HDAC4: variants seen among roughly 807,000 people sequenced by gnomAD.
HDAC4 encodes histone deacetylase 4, also known as histone deacetylase A.
HDAC4 carries 16 observed loss-of-function variants against 135.1 expected under a neutral mutation model. The ratio of observed to expected loss-of-function variants is 0.12; its 90% CI spans 0.08 to 0.18. The LOEUF (loss-of-function observed/expected upper bound fraction) is 0.18. HDAC4 is among the 10% of genes least tolerant of loss of function. The pLI, the probability that HDAC4 is intolerant of heterozygous loss-of-function variation, is 1.00. For synonymous variants in HDAC4, 685 were observed against 653.4 expected (o/e 1.05, Z -0.74); for missense variants, 1,143 against 1,511.8 (o/e 0.76, Z 4.05).
intron 6 of HDAC4, chr2:239,162,124 G>T (rs1445698192): frequency 2.2e-6 from 1 of 456,730 alleles, no homozygotes; most frequent in African/African-American, 2.0e-5. Flanking sequence ...CTGCTTCCCA[G>T]CAGCCCCACT....
At chr2:239,094,290 T>C (rs2152735598) in intron 17 of HDAC4, 1 of 985,416 alleles carries the variant, frequency 1.0e-6, no homozygotes. Context: ...AGGGGAGAAC[T>C]CTTTTGTTAT....
At chr2:239,383,713 G>C (rs1040097781) in intron 1 of HDAC4, among the ~76,000 whole-genome samples, 1 of 152,224 alleles carries the variant, frequency 6.6e-6, no homozygotes, top group South Asian at 2.1e-4. Context: ...GGCGTGGGGT[G>C]GGGGGCAGGG....
At chr2:239,158,406 AATT>A (rs1431797756) in intron 6 of HDAC4, among the ~76,000 whole-genome samples, 3 of 152,220 alleles carry the variant, frequency 2.0e-5, no homozygotes, top group South Asian at 2.1e-4. Flanking sequence ...ATGGAATAAA[AATT>A]ATTATATTTG....
At chr2:239,154,542 G>C (rs544840562) in intron 7 of HDAC4, 1 of 152,372 alleles carries the variant, frequency 6.6e-6, no homozygotes, top group East Asian at 1.9e-4. Flanking sequence ...TTCTAGGGCA[G>C]GGTTCTTCCG....
intron 5 of HDAC4, among the ~76,000 whole-genome samples, chr2:239,169,342 G>A (rs754495384): frequency 4.0e-4 from 61 of 152,322 alleles, no homozygotes; most frequent in Non-Finnish European, 5.3e-4. Flanking sequence ...GCGCACACCC[G>A]CGATGTGGGT....
intron 11 of HDAC4, among the ~76,000 whole-genome samples, chr2:239,133,874 C>A (rs1374270006): frequency 6.6e-6 from 1 of 152,182 alleles, no homozygotes; most frequent in Non-Finnish European, 1.5e-5. Context: ...TGTAACCACT[C>A]CCCCAGACAG....
intron 1 of HDAC4, among the ~76,000 whole-genome samples, chr2:239,355,091 G>T (rs755087748): frequency 3.0e-4 from 46 of 152,168 alleles, no homozygotes; most frequent in African/African-American, 1.1e-3. Context: ...GAATCTACTG[G>T]CATTTTTTTC....
At chr2:239,291,711 G>A (rs1339812473) in intron 2 of HDAC4, among the ~76,000 whole-genome samples, 1 of 152,178 alleles carries the variant, frequency 6.6e-6, no homozygotes, top group African/African-American at 2.4e-5. Context: ...TAGCTGGCAG[G>A]TCGGGGGAAG....
At chr2:239,117,617 T>TA (rs1489529572) in intron 12 of HDAC4, among the ~76,000 whole-genome samples, 1 of 148,672 alleles carries the variant, frequency 6.7e-6, no homozygotes, top group Admixed American at 6.7e-5. Context: ...GGTCTGGAGT[T>TA]AGACTAGGAA....
chr2:239,328,607 G>A (rs946070705), intron 2 of HDAC4, among the ~76,000 whole-genome samples: 2 of 152,212 alleles, frequency 1.3e-5, no homozygotes, highest in African/African-American at 2.4e-5. Context: ...TGGTGGGGGA[G>A]GAAAAAGAAA....
chr2:239,312,438 G>A (rs542152661), intron 2 of HDAC4, among the ~76,000 whole-genome samples: 14 of 152,290 alleles, frequency 9.2e-5, no homozygotes, highest in Admixed American at 3.9e-4. Flanking sequence ...GGGCACGCAC[G>A]CACGTAGTTC....
At chr2:239,085,730 T>C (rs1158681416) in intron 19 of HDAC4, 1 of 152,136 alleles carries the variant, frequency 6.6e-6, no homozygotes, top group African/African-American at 2.4e-5. Context: ...AAGGACACTC[T>C]GCTCTAACAC....
intron 7 of HDAC4, among the ~76,000 whole-genome samples, chr2:239,155,187 A>G (rs2042346216): frequency 6.6e-6 from 1 of 151,244 alleles, no homozygotes; most frequent in Non-Finnish European, 1.5e-5. Context: ...GGCTGACCCA[A>G]TACGGCCCAC....
At chr2:239,230,623 A>G (rs867532280) in intron 3 of HDAC4, among the ~76,000 whole-genome samples, 3 of 152,182 alleles carry the variant, frequency 2.0e-5, no homozygotes, top group Admixed American at 6.5e-5. Context: ...CACTCGAGGA[A>G]CCACCAGAGA....
Position 239,126,830 on chromosome 2 carries a change from G to C in HDAC4, c.1295-136C>G. The stretch of plus-strand genomic sequence containing the variant: ...AGGCGTTCTGCCCTGGTGCCCCAGA[G>C]CTGGCTCGCTAACTGGGCCCCTTCC... On this transcript the variant is annotated intron_variant, in intron 11 of 26. Transcript: ENST00000543185. 5 of 930,800 alleles carry C rather than the reference G, an allele frequency of 5.4e-6. No homozygotes were observed. The South Asian group carries it at 7.1e-5, about 13-fold the overall frequency. 57.7% of individuals were successfully genotyped at this position (930,800 alleles called of 1,614,324 possible).
rs2031858536 is a variant in HDAC4, at chr2:239,056,447, T to TGCAGGGCCAGTCTGAAAGGTGCC, written c.3004-1637_3004-1615dup. Among the ~76,000 whole-genome samples the TGCAGGGCCAGTCTGAAAGGTGCC allele has an allele frequency of 2.6e-5, 4 of 152,164 alleles. No homozygotes were observed. In the South Asian group the frequency reaches 8.3e-4, roughly 31 times the overall value. On this transcript the variant is annotated intron_variant, in intron 24 of 26. Transcript: ENST00000543185. ...CAAGGGACGGGGCCATCACAGGACA[T>TGCAGGGCCAGTCTGAAAGGTGCC]GCAGGGCCAGTCTGAAAGGTGCCCC...
intron 12 of HDAC4, among the ~76,000 whole-genome samples, chr2:239,118,524 G>A (rs1174661896): frequency 2.0e-5 from 3 of 152,166 alleles, no homozygotes; most frequent in Non-Finnish European, 2.9e-5. Flanking sequence ...TGCTGTCCAC[G>A]GGTGAGCGTG....
At chr2:239,283,562 T>C (rs1180822610) in intron 2 of HDAC4, among the ~76,000 whole-genome samples, 1 of 152,240 alleles carries the variant, frequency 6.6e-6, no homozygotes, top group East Asian at 1.9e-4. Context: ...ACAAAAGCCC[T>C]GCGAGCAGAG....
chr2:239,139,400 G>A lies in HDAC4; in HGVS notation c.978+284C>T, dbSNP rs375969893. Among the ~76,000 whole-genome samples the A allele has an allele frequency of 1.8e-4, 27 of 152,248 alleles. No individual in the cohort carries two copies. Among genetic ancestry groups the A allele is most frequent in the South Asian group, 1.7e-3 (8 of 4,810 alleles). On this transcript the variant is annotated intron_variant, in intron 9 of 26. Transcript: ENST00000543185. This position sits in a 1 kb window ranked among gnomAD's most constrained non-coding sequence, Gnocchi z 5.3. ...GGCTTGTGCTGGGACACCATCTAGT[G>A]ACATCTGCTCTGGAAGAGGTCAGGA...
Sources: allele counts gnomAD v4.1 joint callset (sites outside exome capture counted in the v4.1 genomes callset), GRCh38; gene constraint gnomAD v4.1.1; non-coding constraint Gnocchi (gnomAD v3.1); transcripts MANE v1.5; gene names NCBI Gene and HGNC (gene_info 2026-07-23, HGNC 2026-07-21).